Variants in DOCK3 observed in about 807,000 individuals in gnomAD.
The protein encoded by DOCK3 is dedicator of cytokinesis 3, also known as dedicator of cytokinesis protein 3.
Under a neutral mutation model 265.6 loss-of-function variants are expected in DOCK3, and 60 were observed. The observed-to-expected ratio is 0.23, with a 90% CI of 0.18 to 0.28. The LOEUF is 0.28. Among genes scored for constraint, DOCK3 ranks in the 10% least tolerant of loss-of-function variants. The pLI is 1.00. For missense variants in DOCK3, 1,981 were observed against 2,594.3 expected (o/e 0.76, Z 5.14); for synonymous variants, 881 against 938.0 (o/e 0.94, Z 1.11).
intron 7 of DOCK3, among the ~76,000 whole-genome samples, chr3:51,088,989 C>G (rs554786176): frequency 6.6e-6 from 1 of 152,270 alleles, no homozygotes; most frequent in East Asian, 1.9e-4. Flanking sequence ...GTCTGTTAGT[C>G]AGATCTGGAA....
chr3:50,816,706 C>CT lies in DOCK3; in HGVS notation c.122-24966dup, dbSNP rs1166711925. Among the ~76,000 whole-genome samples the CT allele has an allele frequency of 2.0e-5, 3 of 152,154 alleles. No homozygotes were observed. In the East Asian group the frequency reaches 5.8e-4, roughly 29 times the overall value. On this transcript the variant is annotated intron_variant, in intron 2 of 52. Coordinates refer to ENST00000266037, the MANE Select transcript of DOCK3 (RefSeq NM_004947.5). ...CATTTTTTTCTAATCTTTTCTATGT[C>CT]TTTATCTTTTTATTCTTTGTTCTGG...
intron 3 of DOCK3, among the ~76,000 whole-genome samples, chr3:50,869,298 T>A (rs1160301578): frequency 6.7e-6 from 1 of 149,730 alleles, no homozygotes; most frequent in Admixed American, 6.7e-5. Flanking sequence ...TTTCATTTTT[T>A]AAAATTGTTT....
intron 3 of DOCK3, among the ~76,000 whole-genome samples, chr3:50,858,448 T>TAATAATAATAAA (rs1172394817): frequency 1.5e-4 from 18 of 122,278 alleles, no homozygotes; most frequent in African/African-American, 4.9e-4. Flanking sequence ...ATAATAATAA[T>TAATAATAATAAA]AATAAAAATA....
intron 49 of DOCK3, among the ~76,000 whole-genome samples, chr3:51,365,805 G>A (rs1239043213): frequency 6.6e-6 from 1 of 152,194 alleles, no homozygotes; most frequent in Non-Finnish European, 1.5e-5. Flanking sequence ...ATCTGCATAT[G>A]TTGAACCAGC....
intron 49 of DOCK3, among the ~76,000 whole-genome samples, chr3:51,364,057 T>G (rs369665672): frequency 6.6e-6 from 1 of 152,334 alleles, no homozygotes; most frequent in South Asian, 2.1e-4. Context: ...TTGAGGAATC[T>G]CCACACTGTC....
At chr3:50,844,965 A>G (rs9859692) in intron 3 of DOCK3, among the ~76,000 whole-genome samples, 116,203 of 152,126 alleles carry the variant, frequency 0.76, 45,392 homozygotes, top group Middle Eastern at 0.88. Context: ...GCTCTTGCCT[A>G]TAATCCCAGC....
At chr3:50,925,466 C>T (rs1452674424) in intron 4 of DOCK3, among the ~76,000 whole-genome samples, 2 of 151,912 alleles carry the variant, frequency 1.3e-5, no homozygotes, top group African/African-American at 4.8e-5. Flanking sequence ...TTGCTTGAGC[C>T]AAGGAGTTTG....
Position 51,051,389 on chromosome 3 carries a change from T to A in DOCK3, c.316-13059T>A, listed in dbSNP as rs138513827. 3.1e-3 allele frequency among the ~76,000 whole-genome samples: 467 copies of A among 152,306 alleles called. 1 individual carries two copies. The highest frequency in any genetic ancestry group is 5.0e-3 in the Non-Finnish European group (338 of 68,020). On this transcript the variant is annotated intron_variant, in intron 5 of 52. Coordinates refer to ENST00000266037, the MANE Select transcript of DOCK3 (RefSeq NM_004947.5). ...AACACAACTAGAAGACTTGTTGATG[T>A]TTGGGACCCAGGCTCAGAGCAGAGT...
intron 9 of DOCK3, among the ~76,000 whole-genome samples, chr3:51,110,731 T>C (rs1432068812): frequency 6.6e-6 from 1 of 152,168 alleles, no homozygotes; most frequent in Non-Finnish European, 1.5e-5. Context: ...GCCAACCTCA[T>C]ACTGAATAGA....
intron 2 of DOCK3, among the ~76,000 whole-genome samples, chr3:50,816,510 G>A (rs1380963441): frequency 1.3e-5 from 2 of 151,650 alleles, no homozygotes; most frequent in South Asian, 2.1e-4. Flanking sequence ...TAGTGGAGAC[G>A]GGGTTTTGCC....
intron 3 of DOCK3, chr3:50,877,781 C>T: frequency 3.5e-6 from 1 of 286,908 alleles, no homozygotes; most frequent in Non-Finnish European, 6.8e-6. Flanking sequence ...TCAAGCAATT[C>T]TCCTGCCTCA....
At chr3:50,985,665 G>C (rs2077871108) in intron 5 of DOCK3, among the ~76,000 whole-genome samples, 1 of 152,014 alleles carries the variant, frequency 6.6e-6, no homozygotes, top group Non-Finnish European at 1.5e-5. Context: ...CTCCTACCAT[G>C]ATGTGCCAGG....
intron 4 of DOCK3, among the ~76,000 whole-genome samples, chr3:50,907,748 T>G (rs947530128): frequency 6.6e-6 from 1 of 152,130 alleles, no homozygotes; most frequent in African/African-American, 2.4e-5. Flanking sequence ...TTAGCCCATT[T>G]ACATTTAAAG....
At chr3:51,317,996 T>A (rs1172976220) in intron 32 of DOCK3, among the ~76,000 whole-genome samples, 1 of 152,194 alleles carries the variant, frequency 6.6e-6, no homozygotes, top group South Asian at 2.1e-4. Context: ...TATCTAATTC[T>A]TTTTCCTTTT....
chr3:50,851,382 G>A (rs1457729502), intron 3 of DOCK3, among the ~76,000 whole-genome samples: 1 of 152,038 alleles, frequency 6.6e-6, no homozygotes, highest in Non-Finnish European at 1.5e-5. Context: ...TCTCTGCGCA[G>A]TAAGGGTGGG....
chr3:51,364,496 C>A (rs1329018288), intron 49 of DOCK3, among the ~76,000 whole-genome samples: 1 of 152,046 alleles, frequency 6.6e-6, no homozygotes, highest in Admixed American at 6.6e-5. Flanking sequence ...AGTTTAGATC[C>A]CATTTGTCAA....
intron 16 of DOCK3, among the ~76,000 whole-genome samples, chr3:51,227,762 C>G (rs1340878282): frequency 2.0e-5 from 3 of 152,154 alleles, no homozygotes; most frequent in Admixed American, 2.0e-4. Flanking sequence ...TTCATCAAGA[C>G]CAGCAATTTA....
At chr3:50,715,949 C>T (rs564443499) in intron 1 of DOCK3, among the ~76,000 whole-genome samples, 1 of 152,120 alleles carries the variant, frequency 6.6e-6, no homozygotes, top group Non-Finnish European at 1.5e-5. Flanking sequence ...TGTGATTCAT[C>T]TTAAGTGAGT....
chr3:50,808,764 C>T (rs999344761), intron 2 of DOCK3, among the ~76,000 whole-genome samples: 1 of 152,158 alleles, frequency 6.6e-6, no homozygotes, highest in Non-Finnish European at 1.5e-5. Context: ...TTGTCCACTC[C>T]GTGGAGATAT....
Sources: gnomAD v4.1 joint callset for allele counts (sites outside exome capture counted in the v4.1 genomes callset) on GRCh38, gnomAD v4.1.1 for gene constraint, MANE v1.5 for transcripts, NCBI Gene and HGNC (gene_info 2026-07-23, HGNC 2026-07-21) for gene names.